EPSTI1: variants seen among roughly 807,000 people sequenced by gnomAD.
EPSTI1 encodes the protein epithelial-stromal interaction protein 1.
In EPSTI1, 66 loss-of-function variants were observed where a neutral mutation model predicts 49.9. The observed-to-expected ratio is 1.32, with a 90% CI of 1.08 to 1.62. The LOEUF is 1.62. Among genes scored for constraint, EPSTI1 ranks in the 40% most tolerant of loss-of-function variants. The pLI is 0.00. For synonymous variants in EPSTI1, 137 were observed against 130.7 expected (o/e 1.05, Z -0.33); for missense variants, 394 against 365.5 (o/e 1.08, Z -0.64).
intron 1 of EPSTI1, among the ~76,000 whole-genome samples, chr13:42,986,761 A>C (rs1291281913): frequency 6.6e-6 from 1 of 151,364 alleles, no homozygotes; most frequent in Admixed American, 6.6e-5. Context: ...AAAAAAAAAA[A>C]AAAAAAAAAA....
At chr13:42,979,526 A>C (rs2039946031) in intron 1 of EPSTI1, among the ~76,000 whole-genome samples, 1 of 147,648 alleles carries the variant, frequency 6.8e-6, no homozygotes, top group African/African-American at 2.5e-5. Context: ...CGGAGCTTGC[A>C]GTGAGCCGAT....
intron 1 of EPSTI1, among the ~76,000 whole-genome samples, chr13:42,980,494 C>A (rs529326158): frequency 9.2e-5 from 14 of 152,280 alleles, no homozygotes; most frequent in Middle Eastern, 3.4e-3. Flanking sequence ...TGGTGGCAGG[C>A]AAGAGAGCAC....
rs142658227 is a variant in EPSTI1 at position 42,947,688 on chromosome 13, G to T, written c.563+6260C>A. Reference sequence around the variant, plus strand: ...AAGTGCTCTTTTAAAACCTTGGGGAGGTCAGTTGAGAGCAGTTTTTCCTAT... The same window carrying T: ...AAGTGCTCTTTTAAAACCTTGGGGATGTCAGTTGAGAGCAGTTTTTCCTAT... On this transcript the variant is annotated intron_variant, in intron 6 of 10. Transcript: ENST00000313624. 1.9e-3 allele frequency among the ~76,000 whole-genome samples: 282 copies of T among 152,306 alleles called. 2 individuals are homozygous for T. Among genetic ancestry groups the T allele is most frequent in the African/African-American group, 6.4e-3 (264 of 41,552 alleles).
At chr13:42,921,845 A>C (rs1310799677) in intron 7 of EPSTI1, among the ~76,000 whole-genome samples, 5 of 148,842 alleles carry the variant, frequency 3.4e-5, no homozygotes, top group Non-Finnish European at 7.5e-5. Context: ...AGCAGGAGGA[A>C]AGAGGGATCC....
In EPSTI1 at chr13:42,990,830, G is replaced by A. The variant is rs553657332; in HGVS notation, c.188+1148C>T. On this transcript the variant is annotated intron_variant, in intron 1 of 10. Transcript: ENST00000313624. ...TGTCTTTCAGAGACTAGAAGTCGAT[G>A]AAAAAGGAGAGACTAAAAATAAAAC... is the stretch of plus-strand genomic sequence containing the variant. 2.0e-4 allele frequency among the ~76,000 whole-genome samples: 31 copies of A among 152,256 alleles called. No homozygotes were observed. In the South Asian group the frequency reaches 5.4e-3, roughly 26 times the overall value.
In EPSTI1 at chr13:42,992,216, C is replaced by CT. The variant is rs1311146234; in HGVS notation, c.-52dup. 13 of 1,483,430 alleles carry CT rather than the reference C, an allele frequency of 8.8e-6. No homozygotes were observed. The highest frequency in any genetic ancestry group is 1.4e-5 in the African/African-American group (1 of 71,060). The allele number at this position is 1,483,430 out of a possible 1,614,324, so 91.9% of individuals were successfully genotyped here. ...CGCCGTCGCTGCGGGAGGGATGCGG[C>CT]TGGGACGCTTAGCGAGTCTCAAGAT... On this transcript the variant is annotated 5_prime_UTR_variant, in exon 1 of 11. Transcript: ENST00000313624.
intron 2 of EPSTI1, chr13:42,970,382 C>T: frequency 2.5e-6 from 1 of 405,310 alleles, no homozygotes; most frequent in South Asian, 5.0e-5. Flanking sequence ...CAACAGAAAT[C>T]CAGGATCTAC....
intron 8 of EPSTI1, among the ~76,000 whole-genome samples, chr13:42,902,377 C>T (rs923734110): frequency 3.3e-5 from 5 of 152,170 alleles, no homozygotes; most frequent in Non-Finnish European, 7.4e-5. Flanking sequence ...TAACCAACTT[C>T]TCTGTCTTAC....
intron 1 of EPSTI1, among the ~76,000 whole-genome samples, chr13:42,982,226 G>A (rs1279595432): frequency 1.3e-5 from 2 of 152,158 alleles, no homozygotes; most frequent in African/African-American, 4.8e-5. Flanking sequence ...AGATGGCAAC[G>A]AGAGTGACCT....
At chr13:42,947,693 G>C (rs544961506) in intron 6 of EPSTI1, among the ~76,000 whole-genome samples, 1 of 152,238 alleles carries the variant, frequency 6.6e-6, no homozygotes, top group African/African-American at 2.4e-5. Flanking sequence ...GGGGAGGTCA[G>C]TTGAGAGCAG....
At chr13:42,921,208 T>C (rs1211084151) in intron 7 of EPSTI1, among the ~76,000 whole-genome samples, 1 of 152,008 alleles carries the variant, frequency 6.6e-6, no homozygotes, top group African/African-American at 2.4e-5. Context: ...CATTACAGAA[T>C]GCCAGAAAAA....
At chr13:42,925,607 G>A (rs183315607) in intron 7 of EPSTI1, among the ~76,000 whole-genome samples, 8 of 152,278 alleles carry the variant, frequency 5.3e-5, no homozygotes, top group East Asian at 1.9e-4. Context: ...GGTCCTCACC[G>A]TTCCTGCTCA....
intron 6 of EPSTI1, among the ~76,000 whole-genome samples, chr13:42,926,990 GACACACACACACAC>G (rs10529424): frequency 2.8e-4 from 41 of 144,610 alleles, no homozygotes; most frequent in Admixed American, 4.8e-4. Context: ...TCTGTTAACA[GACACACACACACAC>G]ACACACACAC....
chr13:42,938,689 G>A (rs1282275253), intron 6 of EPSTI1, among the ~76,000 whole-genome samples: 8 of 151,964 alleles, frequency 5.3e-5, no homozygotes, highest in East Asian at 1.9e-4. Flanking sequence ...TGAGGTGGGC[G>A]GATCACCTGA....
At chr13:42,991,252 T>C (rs1476714880) in intron 1 of EPSTI1, 1 of 152,446 alleles carries the variant, frequency 6.6e-6, no homozygotes, top group African/African-American at 2.4e-5. Context: ...TAGTGTCTGA[T>C]ACAGTAATTC....
rs2036888530 is a variant in EPSTI1, at chr13:42,887,159, C to A, written c.*1335G>T. 6.6e-6 allele frequency: 1 copy of A among 152,164 alleles called. No homozygotes were observed. The highest frequency in any genetic ancestry group is 1.5e-5 in the Non-Finnish European group (1 of 68,038). 9.4% of individuals were successfully genotyped at this position (152,164 alleles called of 1,614,324 possible). A position where few individuals can be genotyped will look rare whatever the true frequency, so the allele number is the denominator to read the frequency against. On this transcript the variant is annotated 3_prime_UTR_variant, in exon 11 of 11. Transcript: ENST00000313624. ...GGCAATGACAAGGATTTCAAATGGACCAAACATTTTATATTAGTGTCAACA... is the reference window on the plus strand; with the variant it reads ...GGCAATGACAAGGATTTCAAATGGAACAAACATTTTATATTAGTGTCAACA...
intron 5 of EPSTI1, among the ~76,000 whole-genome samples, chr13:42,959,309 A>C (rs1242376472): frequency 6.6e-6 from 1 of 152,224 alleles, no homozygotes; most frequent in African/African-American, 2.4e-5. Context: ...CAAAGGCTTA[A>C]TGCTTCCACC....
chr13:42,903,560 T>C (rs555663207), intron 8 of EPSTI1, among the ~76,000 whole-genome samples: 1 of 152,096 alleles, frequency 6.6e-6, no homozygotes, highest in African/African-American at 2.4e-5. Context: ...AGCTTAAAAG[T>C]TGAAGAAAAT....
rs898068604 is a variant in EPSTI1, at chr13:42,955,606, A to G, written c.490-1585T>C. Among the ~76,000 whole-genome samples the G allele has an allele frequency of 8.5e-5, 13 of 152,300 alleles. No individual in the cohort carries two copies. The South Asian group carries it at 2.7e-3, about 32-fold the overall frequency. ...CATCTGAGGTCAGGAGTTCAAGACCAGTCTGGCCAACATGGTGAAATCTCA... is the reference window on the plus strand; with the variant it reads ...CATCTGAGGTCAGGAGTTCAAGACCGGTCTGGCCAACATGGTGAAATCTCA... On this transcript the variant is annotated intron_variant, in intron 5 of 10. Transcript: ENST00000313624.
Sources: gnomAD v4.1 joint callset for allele counts (sites outside exome capture counted in the v4.1 genomes callset) on GRCh38, gnomAD v4.1.1 for gene constraint, MANE v1.5 for transcripts, NCBI Gene and HGNC (gene_info 2026-07-23, HGNC 2026-07-21) for gene names.